Variants in ABCC4 observed in about 807,000 individuals in gnomAD.
The protein encoded by ABCC4 is ATP binding cassette subfamily C member 4 (PEL blood group).
In ABCC4, 102 loss-of-function variants were observed where a neutral mutation model predicts 168.5. The observed-to-expected ratio is 0.61, with a 90% CI of 0.52 to 0.71. The LOEUF is 0.71. ABCC4 is among the 30% of genes least tolerant of loss of function. The pLI is 0.00. For missense variants in ABCC4, 1,402 were observed against 1,605.8 expected, an observed-to-expected ratio of 0.87 and a Z score of 2.17; for synonymous variants, 617 against 590.7, an observed-to-expected ratio of 1.04 and a Z score of -0.65.
intron 19 of ABCC4, among the ~76,000 whole-genome samples, chr13:95,145,394 A>G (rs547435989): frequency 6.6e-6 from 1 of 152,060 alleles, no homozygotes; most frequent in African/African-American, 2.4e-5. Flanking sequence ...AGGCAGGCAG[A>G]TCACTTGAGC....
intron 20 of ABCC4, among the ~76,000 whole-genome samples, chr13:95,094,482 C>A (rs1453699668): frequency 6.6e-6 from 1 of 152,156 alleles, no homozygotes; most frequent in Non-Finnish European, 1.5e-5. Context: ...GAGAATGAAA[C>A]TGGATCCTTA....
At chr13:95,231,606 A>G (rs547486655) in intron 4 of ABCC4, among the ~76,000 whole-genome samples, 4 of 152,142 alleles carry the variant, frequency 2.6e-5, no homozygotes, top group Non-Finnish European at 4.4e-5. Context: ...GAAGTGTCTT[A>G]TTTCTTCACC....
chr13:95,024,206 C>CAAAACA (rs1555301367), intron 30 of ABCC4, among the ~76,000 whole-genome samples: 1 of 43,942 alleles, frequency 2.3e-5, no homozygotes, highest in Admixed American at 2.4e-4. Flanking sequence ...GAGACTGTCT[C>CAAAACA]AAAAAAAAAA....
chr13:95,269,129 T>C (rs553115798), intron 1 of ABCC4, among the ~76,000 whole-genome samples: 3 of 152,296 alleles, frequency 2.0e-5, no homozygotes, highest in Non-Finnish European at 4.4e-5. Context: ...ATTGTAAGTG[T>C]AGCACTTTCC....
chr13:95,301,188 C>A, intron 1 of ABCC4, 53 bp downstream of exon 1: 1 of 1,511,208 alleles, frequency 6.6e-7, no homozygotes, highest in Non-Finnish European at 9.0e-7. Context: ...CGGGAGAGTG[C>A]GTCCGCGGCG....
At chr13:95,047,402 G>A (rs9561769) in intron 27 of ABCC4, among the ~76,000 whole-genome samples, 24,105 of 150,964 alleles carry the variant, frequency 0.16, 2,222 homozygotes, top group African/African-American at 0.25. Flanking sequence ...TTGGTACCAA[G>A]TAAGAGATCA....
At chr13:95,114,121 C>T (rs2035292979) in intron 20 of ABCC4, among the ~76,000 whole-genome samples, 1 of 152,090 alleles carries the variant, frequency 6.6e-6, no homozygotes, top group South Asian at 2.1e-4. Flanking sequence ...TAATTGGGGC[C>T]AGTAGGATTC....
intron 20 of ABCC4, among the ~76,000 whole-genome samples, chr13:95,112,000 C>T (rs2035219572): frequency 6.6e-6 from 1 of 152,154 alleles, no homozygotes; most frequent in Admixed American, 6.5e-5. Flanking sequence ...CTTACAAAAC[C>T]AATAAAACGA....
rs559623290 is a variant in ABCC4 at position 95,223,977 on chromosome 13, A to C, written c.531+10633T>G. On this transcript the variant is annotated intron_variant, in intron 4 of 30. Coordinates refer to ENST00000645237, the MANE Select transcript of ABCC4 (RefSeq NM_005845.5). ...ATAAGACAATCTCAAATAGTTTAAT[A>C]TATATGTAATAGGAGTCCAAGAAAA... Among the ~76,000 whole-genome samples the C allele has an allele frequency of 5.1e-4, 78 of 152,312 alleles. 2 individuals carry two copies. In the South Asian group the frequency reaches 0.016, roughly 31 times the overall value.
chr13:95,214,633 C>T (rs531730579), intron 4 of ABCC4, among the ~76,000 whole-genome samples: 2 of 152,224 alleles, frequency 1.3e-5, no homozygotes, highest in South Asian at 2.1e-4. Flanking sequence ...TGCCTGTATT[C>T]CCAGCACTTT....
intron 1 of ABCC4, among the ~76,000 whole-genome samples, chr13:95,262,855 G>A (rs761391945): frequency 2.6e-5 from 4 of 152,060 alleles, no homozygotes; most frequent in African/African-American, 9.7e-5. Context: ...GGCTGGTCTC[G>A]AACTGCTGAC....
In ABCC4 at chr13:95,040,455, A is replaced by G. The variant is rs111808246; in HGVS notation, c.3735+3227T>C. On this transcript the variant is annotated intron_variant, in intron 29 of 30. Coordinates refer to ENST00000645237, the MANE Select transcript of ABCC4 (RefSeq NM_005845.5). ...CACCATGTTGGCCAGGCTGGTCTCA[A>G]ACTTCTGACCTCTCAGGTGATCTGC... Among the ~76,000 whole-genome samples, 519 of 152,152 alleles carry G rather than the reference A, an allele frequency of 3.4e-3. 3 individuals are homozygous for G. Among genetic ancestry groups the G allele is most frequent in the African/African-American group, 0.012 (489 of 41,512 alleles).
chr13:95,119,919 C>T (rs1193608753), intron 19 of ABCC4, among the ~76,000 whole-genome samples: 2 of 152,186 alleles, frequency 1.3e-5, no homozygotes, highest in Non-Finnish European at 2.9e-5. Context: ...CACTAAGATC[C>T]CTCATGGCAC....
intron 20 of ABCC4, among the ~76,000 whole-genome samples, chr13:95,094,516 A>G (rs1030419550): frequency 2.0e-5 from 3 of 152,156 alleles, no homozygotes; most frequent in Admixed American, 2.0e-4. Flanking sequence ...ACAAAAATCA[A>G]CTCAAGATGG....
chr13:95,068,257 C>T (rs1410815229), intron 25 of ABCC4, among the ~76,000 whole-genome samples: 1 of 152,170 alleles, frequency 6.6e-6, no homozygotes, highest in East Asian at 1.9e-4. Flanking sequence ...AAAGTGGAAC[C>T]AACTCACCAC....
intron 26 of ABCC4, among the ~76,000 whole-genome samples, chr13:95,057,487 C>G (rs1448305711): frequency 2.6e-5 from 4 of 152,188 alleles, no homozygotes; most frequent in African/African-American, 9.7e-5. Flanking sequence ...ATCCACCCTC[C>G]TTGGCCTCCC....
intron 1 of ABCC4, among the ~76,000 whole-genome samples, chr13:95,283,119 G>C (rs2041168738): frequency 6.6e-6 from 1 of 151,542 alleles, no homozygotes; most frequent in Non-Finnish European, 1.5e-5. Context: ...GGGAGGCTGG[G>C]GCAGGAGAAT....
At chr13:95,231,193 A>G (rs2039611893) in intron 4 of ABCC4, among the ~76,000 whole-genome samples, 1 of 152,196 alleles carries the variant, frequency 6.6e-6, no homozygotes, top group Non-Finnish European at 1.5e-5. Flanking sequence ...AATTCTGTCG[A>G]TGGATGGTGG....
intron 19 of ABCC4, among the ~76,000 whole-genome samples, chr13:95,122,863 C>T (rs1256616779): frequency 2.0e-5 from 3 of 152,174 alleles, no homozygotes; most frequent in Non-Finnish European, 4.4e-5. Flanking sequence ...ACCAAAAATA[C>T]AAAACTTAGC....
Sources: allele counts gnomAD v4.1 joint callset (sites outside exome capture counted in the v4.1 genomes callset), GRCh38; gene constraint gnomAD v4.1.1; transcripts MANE v1.5; gene names NCBI Gene and HGNC (gene_info 2026-07-23, HGNC 2026-07-21).